The following HS6ST2 variants were observed in gnomAD, a reference collection of about 807,000 sequenced individuals.
HS6ST2 encodes heparan-sulfate 6-O-sulfotransferase 2.
In HS6ST2, 17 loss-of-function variants were observed where a neutral mutation model predicts 33.0. The ratio of observed to expected loss-of-function variants is 0.52; its 90% CI spans 0.35 to 0.77. The LOEUF is 0.77. Ranked by LOEUF, HS6ST2 falls within the 30% of genes least tolerant of loss-of-function variation. The probability of loss-of-function intolerance (pLI) is 0.01; values close to 1 mark genes in which losing one functional copy is unlikely to be tolerated. For missense variants in HS6ST2, 519 were observed against 551.7 expected, an observed-to-expected ratio of 0.94 and a Z score of 0.59; for synonymous variants, 248 against 237.1, an observed-to-expected ratio of 1.05 and a Z score of -0.42.
At position 132,627,904 on chromosome X, in the gene HS6ST2, G is replaced by T; in HGVS notation, c.*319C>A. The T allele has an allele frequency of 6.2e-6, 1 of 160,996 alleles. No homozygotes were observed. The highest frequency in any genetic ancestry group is 7.1e-5 in the Admixed American group (1 of 14,085). The allele number at this position is 160,996 out of a possible 1,213,427, so 13.3% of individuals were successfully genotyped here. A position where few individuals can be genotyped will look rare whatever the true frequency, so the allele number is the denominator to read the frequency against. ...CATAAGTTAAATGGTCACATTTTATGTTTTCACTTTGTCTCCATAACTAAT... is the reference window on the plus strand; with the variant it reads ...CATAAGTTAAATGGTCACATTTTATTTTTTCACTTTGTCTCCATAACTAAT... On this transcript the variant is annotated 3_prime_UTR_variant, in exon 5 of 5. Coordinates refer to ENST00000370833, the MANE Select transcript of HS6ST2 (RefSeq NM_001394073.1).
chrX:132,634,919 T>C lies in HS6ST2; in HGVS notation c.1068-5826A>G, dbSNP rs1378356821. On this transcript the variant is annotated intron_variant, in intron 4 of 4. Transcript: ENST00000370833. The stretch of plus-strand genomic sequence containing the variant: ...GTGAGGCATGCTTAATCGAGACTCA[T>C]TCACCCAGGCAGCTTTCTTGAGTCT... Among the ~76,000 whole-genome samples the C allele has an allele frequency of 3.6e-5, 4 of 111,563 alleles. No homozygotes were observed. In the East Asian group the frequency reaches 1.1e-3, roughly 32 times the overall value.
At position 132,626,136 on chromosome X, in the gene HS6ST2, AATGTAT is replaced by A. The variant is rs36208458; in HGVS notation, c.*2081_*2086del. The stretch of plus-strand genomic sequence containing the variant: ...ATCATGGGATTTACATAATGGCAAA[AATGTAT>A]ATGTATATTTATAACATCCTCTATA... On this transcript the variant is annotated 3_prime_UTR_variant, in exon 5 of 5. Coordinates refer to ENST00000370833, the MANE Select transcript of HS6ST2 (RefSeq NM_001394073.1). The A allele has an allele frequency of 0.14, 15,557 of 111,699 alleles. 813 individuals are homozygous for A. The highest frequency in any genetic ancestry group is 0.14 in the Non-Finnish European group (7,663 of 52,925). 9.2% of individuals were successfully genotyped at this position (111,699 alleles called of 1,213,427 possible).
chrX:132,738,628 T>C (rs899087873), intron 2 of HS6ST2, among the ~76,000 whole-genome samples: 1 of 112,504 alleles, frequency 8.9e-6, no homozygotes, highest in African/African-American at 3.2e-5. Flanking sequence ...TTATGCCTTA[T>C]TGAACAAGCA....
chrX:132,821,379 AT>A (rs2065455824), intron 2 of HS6ST2, among the ~76,000 whole-genome samples: 1 of 108,949 alleles, frequency 9.2e-6, no homozygotes, highest in Admixed American at 9.8e-5. Flanking sequence ...CGCCCAGCTA[AT>A]TTTTTGTATT....
chrX:132,939,882 T>C (rs1308447621), intron 2 of HS6ST2, among the ~76,000 whole-genome samples: 2 of 111,661 alleles, frequency 1.8e-5, no homozygotes, highest in African/African-American at 6.5e-5. Flanking sequence ...CCAAAATTGA[T>C]CTACAGATTT....
At chrX:132,664,270 A>T (rs1265187283) in intron 4 of HS6ST2, among the ~76,000 whole-genome samples, 1 of 111,971 alleles carries the variant, frequency 8.9e-6, no homozygotes, top group African/African-American at 3.3e-5. Flanking sequence ...CGGCCTCCCA[A>T]AGTGCTGGGA....
intron 2 of HS6ST2, among the ~76,000 whole-genome samples, chrX:132,797,988 G>C (rs2065199113): frequency 1.1e-5 from 1 of 94,654 alleles, no homozygotes; most frequent in Non-Finnish European, 2.1e-5. Flanking sequence ...ACTCCAGCCT[G>C]GGCAACAGAA....
chrX:132,848,144 A>G (rs2065769987), intron 2 of HS6ST2, among the ~76,000 whole-genome samples: 2 of 111,875 alleles, frequency 1.8e-5, no homozygotes. Flanking sequence ...GCAGGCTAAG[A>G]AGGCAATAAC....
chrX:132,759,216 T>G (rs939738038), intron 2 of HS6ST2, among the ~76,000 whole-genome samples: 1 of 112,012 alleles, frequency 8.9e-6, no homozygotes, highest in Admixed American at 9.5e-5. Flanking sequence ...ACTCAAAGTT[T>G]CAAGCTCCTT....
intron 2 of HS6ST2, among the ~76,000 whole-genome samples, chrX:132,795,294 G>A (rs1023474220): frequency 8.9e-6 from 1 of 111,863 alleles, no homozygotes; most frequent in Non-Finnish European, 1.9e-5. Context: ...TCTATCAAAT[G>A]AGTGTAATGT....
intron 3 of HS6ST2, among the ~76,000 whole-genome samples, chrX:132,673,457 G>A (rs987663142): frequency 6.2e-5 from 7 of 112,532 alleles, no homozygotes; most frequent in South Asian, 3.7e-4. Context: ...CACAAAAAAC[G>A]TGAGCTTAGA....
At chrX:132,654,438 G>A (rs766963661) in intron 4 of HS6ST2, among the ~76,000 whole-genome samples, 5 of 111,224 alleles carry the variant, frequency 4.5e-5, no homozygotes, top group Non-Finnish European at 9.4e-5. Flanking sequence ...CCCCAGAAGT[G>A]CTCCTAGCCC....
intron 2 of HS6ST2, among the ~76,000 whole-genome samples, chrX:132,956,030 G>A (rs948490800): frequency 1.3e-4 from 14 of 111,526 alleles, no homozygotes; most frequent in African/African-American, 3.6e-4. Flanking sequence ...GGTGCCCCCC[G>A]CCACTCCCAA....
At chrX:132,816,176 T>TGG (rs2065393027) in intron 2 of HS6ST2, among the ~76,000 whole-genome samples, 1 of 111,990 alleles carries the variant, frequency 8.9e-6, no homozygotes, top group South Asian at 3.7e-4. Flanking sequence ...GCATGTGAAC[T>TGG]GGCACTTCTA....
rs188557351 is a variant in HS6ST2, at chrX:132,928,141, C to T, written c.947+28667G>A. ...ACACTTTTTTTTTTTTTTTTTGAGA[C>T]GGAGTCTCACTCTGTTGCCCAGGCT... On this transcript the variant is annotated intron_variant, in intron 2 of 4. Transcript: ENST00000370833. Among the ~76,000 whole-genome samples, 453 of 100,285 alleles carry T rather than the reference C, an allele frequency of 4.5e-3. 4 individuals carry two copies. Among genetic ancestry groups the T allele is most frequent in the East Asian group, 0.043 (134 of 3,099 alleles). 87.1% of individuals were successfully genotyped at this position (100,285 alleles called of 115,157 possible).
intron 2 of HS6ST2, among the ~76,000 whole-genome samples, chrX:132,809,615 T>C (rs1338752502): frequency 9.0e-6 from 1 of 111,552 alleles, no homozygotes; most frequent in Non-Finnish European, 1.9e-5. Flanking sequence ...AGTTTCTTCT[T>C]ATTGTTTCTT....
At chrX:132,959,776 T>A (rs1311662627), upstream of HS6ST2, among the ~76,000 whole-genome samples, 6 of 112,102 alleles carry the variant, frequency 5.4e-5, no homozygotes, top group African/African-American at 1.9e-4. Flanking sequence ...ACCAACTGAG[T>A]CACCGTGGGG....
chrX:132,870,360 T>G (rs1041642819), intron 2 of HS6ST2, among the ~76,000 whole-genome samples: 1 of 111,772 alleles, frequency 8.9e-6, no homozygotes, highest in Non-Finnish European at 1.9e-5. Flanking sequence ...ATTTATAGAT[T>G]CAATGCTATC....
chrX:132,797,659 A>C (rs2065195052), intron 2 of HS6ST2, among the ~76,000 whole-genome samples: 1 of 111,019 alleles, frequency 9.0e-6, no homozygotes, highest in African/African-American at 3.3e-5. Flanking sequence ...GTTCCTCTGA[A>C]AGAAGAGCTG....
Sources: gnomAD v4.1 joint callset for allele counts (sites outside exome capture counted in the v4.1 genomes callset) on GRCh38, gnomAD v4.1.1 for gene constraint, MANE v1.5 for transcripts, NCBI Gene and HGNC (gene_info 2026-07-23, HGNC 2026-07-21) for gene names.